The following KCNU1 variants were observed in gnomAD, a reference collection of about 807,000 sequenced individuals.
KCNU1 encodes the protein potassium channel subfamily U member 1.
A neutral mutation model predicts 126.8 loss-of-function variants in KCNU1; 93 were observed. That is an observed-to-expected ratio of 0.73 (90% CI 0.62 to 0.87). The LOEUF is 0.87. KCNU1 is among the 40% of genes least tolerant of loss of function. KCNU1 has a pLI of 0.00. For synonymous variants in KCNU1, 523 were observed against 494.2 expected (o/e 1.06, Z -0.77); for missense variants, 1,330 against 1,367.1 (o/e 0.97, Z 0.43).
intron 19 of KCNU1, among the ~76,000 whole-genome samples, chr8:36,865,239 A>G (rs992546515): frequency 5.9e-5 from 9 of 152,112 alleles, no homozygotes; most frequent in African/African-American, 1.9e-4. Flanking sequence ...TAGTGATTAA[A>G]TGAGATTAGG....
chr8:36,931,671 C>T (rs1808706962), intron 25 of KCNU1, among the ~76,000 whole-genome samples: 1 of 152,054 alleles, frequency 6.6e-6, no homozygotes, highest in Non-Finnish European at 1.5e-5. Flanking sequence ...GACCCAGCTA[C>T]AGCAGTTTGA....
At chr8:36,811,580 T>A (rs919957281) in intron 7 of KCNU1, among the ~76,000 whole-genome samples, 10 of 152,146 alleles carry the variant, frequency 6.6e-5, no homozygotes, top group Non-Finnish European at 7.4e-5. Context: ...ATGATAAAAT[T>A]CAGCCACACA....
chr8:36,885,278 G>T (rs1378290173), intron 19 of KCNU1, among the ~76,000 whole-genome samples: 1 of 152,210 alleles, frequency 6.6e-6, no homozygotes, highest in Non-Finnish European at 1.5e-5. Context: ...CCAGTGGCCG[G>T]ATACGATGGC....
At chr8:36,879,238 T>TATATAC (rs1216880068) in intron 19 of KCNU1, among the ~76,000 whole-genome samples, 10 of 139,338 alleles carry the variant, frequency 7.2e-5, no homozygotes, top group South Asian at 4.6e-4. Flanking sequence ...TATATATATA[T>TATATAC]ACACACACAT....
chr8:36,931,210 T>C (rs1380004334), intron 25 of KCNU1, 65 bp downstream of exon 25: 5 of 1,225,822 alleles, frequency 4.1e-6, no homozygotes, highest in Admixed American at 2.4e-5. Context: ...CTGAAAATGG[T>C]CCAGGCTATT....
intron 7 of KCNU1, among the ~76,000 whole-genome samples, chr8:36,813,640 A>T (rs1241482525): frequency 6.6e-6 from 1 of 150,558 alleles, no homozygotes; most frequent in Non-Finnish European, 1.5e-5. Flanking sequence ...TCAAAGAAAA[A>T]ATCAGAGGAA....
At chr8:36,793,191 C>T (rs1187685002) in intron 2 of KCNU1, among the ~76,000 whole-genome samples, 2 of 116,372 alleles carry the variant, frequency 1.7e-5, no homozygotes, top group African/African-American at 6.9e-5. Context: ...ACATCACACA[C>T]AGGGGCCTGT....
intron 19 of KCNU1, among the ~76,000 whole-genome samples, chr8:36,875,888 T>TTGCCCACAGCATAGATATCTGC (rs1806262829): frequency 6.6e-6 from 1 of 152,196 alleles, no homozygotes; most frequent in Non-Finnish European, 1.5e-5. Context: ...GTTTCAGCTG[T>TTGCCCACAGCATAGATATCTGC]TGCCCACAGC....
chr8:36,890,518 G>T (rs189966707), intron 19 of KCNU1, among the ~76,000 whole-genome samples: 23 of 152,020 alleles, frequency 1.5e-4, no homozygotes, highest in Admixed American at 6.6e-4. Flanking sequence ...TATAAGTGTT[G>T]TGTTGTGCTA....
chr8:36,928,903 C>A, intron 24 of KCNU1: 1 of 626,814 alleles, frequency 1.6e-6, no homozygotes, highest in Non-Finnish European at 2.8e-6. Context: ...TATTCTGATC[C>A]AGGAGATCTG....
chr8:36,890,257 A>G (rs907604363), intron 19 of KCNU1, among the ~76,000 whole-genome samples: 8 of 152,022 alleles, frequency 5.3e-5, no homozygotes, highest in Non-Finnish European at 1.0e-4. Context: ...AATTTTTTTT[A>G]TTTTTAATTG....
At chr8:36,828,926 CT>C (rs1804424550) in intron 10 of KCNU1, among the ~76,000 whole-genome samples, 1 of 151,964 alleles carries the variant, frequency 6.6e-6, no homozygotes, top group African/African-American at 2.4e-5. Flanking sequence ...TTTCCAACAA[CT>C]GGTATGGTTA....
rs1411798298 is a variant in KCNU1, at chr8:36,935,710, A to G, written c.3240A>G (p.Ser1080=). 6.2e-7 allele frequency: 1 copy of G among 1,613,260 alleles called. No individual in the cohort carries two copies. The highest frequency in any genetic ancestry group is 8.5e-7 in the Non-Finnish European group (1 of 1,179,390). The part of the protein sequence containing the change: ...SDTNCPPTID[S]VTETLYSPVY... ...CAAATTGTCCTCCCACCATTGATTCAGTTACTGAGACATTGTATTCACCAG... is the reference window on the plus strand; with the variant it reads ...CAAATTGTCCTCCCACCATTGATTCGGTTACTGAGACATTGTATTCACCAG... The change falls in exon 27 of 27, where the codon TCA becomes TCG. Residue 1080 remains serine (S), a synonymous_variant. Coordinates refer to ENST00000399881, the MANE Select transcript of KCNU1 (RefSeq NM_001031836.3).
chr8:36,812,625 T>C (rs1162084358), intron 7 of KCNU1, among the ~76,000 whole-genome samples: 1 of 152,194 alleles, frequency 6.6e-6, no homozygotes, highest in Non-Finnish European at 1.5e-5. Context: ...TTTTGAAATA[T>C]GGAGTTAAAA....
chr8:36,913,751 G>A (rs907309859), intron 22 of KCNU1, among the ~76,000 whole-genome samples: 11 of 151,902 alleles, frequency 7.2e-5, no homozygotes, highest in Non-Finnish European at 1.2e-4. Context: ...ACAGGCACCC[G>A]CCACCATGCC....
At chr8:36,905,918 CA>C (rs1563327782) in intron 20 of KCNU1, 114 bp downstream of exon 20, 10 of 565,700 alleles carry the variant, frequency 1.8e-5, no homozygotes, top group Admixed American at 6.8e-5. Flanking sequence ...GTGAATTTGT[CA>C]AAAAAAGAAA....
chr8:36,831,346 A>C (rs1365472430), intron 10 of KCNU1, among the ~76,000 whole-genome samples: 1 of 151,988 alleles, frequency 6.6e-6, no homozygotes, highest in Non-Finnish European at 1.5e-5. Flanking sequence ...TGACTTCCAC[A>C]ATGGTTGAAC....
chr8:36,813,671 T>TAA (rs67738751), intron 7 of KCNU1, among the ~76,000 whole-genome samples: 32 of 150,002 alleles, frequency 2.1e-4, no homozygotes, highest in African/African-American at 7.1e-4. Context: ...AAGGTTTTTT[T>TAA]AAAAAAAAAA....
At chr8:36,890,826 T>C (rs565244600) in intron 19 of KCNU1, among the ~76,000 whole-genome samples, 101 of 152,028 alleles carry the variant, frequency 6.6e-4, no homozygotes, top group African/African-American at 2.4e-3. Context: ...CTAACACTTA[T>C]TACCTTTTTT....
Sources: gnomAD v4.1 joint callset for allele counts (sites outside exome capture counted in the v4.1 genomes callset) on GRCh38, gnomAD v4.1.1 for gene constraint, MANE v1.5 for transcripts, NCBI Gene and HGNC (gene_info 2026-07-23, HGNC 2026-07-21) for gene names.